SCD5: variants seen among roughly 807,000 people sequenced by gnomAD.
SCD5 encodes the protein stearoyl-CoA desaturase 5, also known as acyl-CoA-desaturase 4.
In SCD5, 20 loss-of-function variants were observed where a neutral mutation model predicts 30.4. The ratio of observed to expected loss-of-function variants is 0.66; its 90% CI spans 0.46 to 0.96. SCD5 has a LOEUF of 0.96. Ranked by LOEUF, SCD5 falls within the 40% of genes least tolerant of loss-of-function variation. The pLI is 0.00. For synonymous variants in SCD5, 173 were observed against 176.4 expected (o/e 0.98, Z 0.16); for missense variants, 381 against 443.3 (o/e 0.86, Z 1.26).
rs1560540804 is a variant in SCD5 at position 82,712,279 on chromosome 4, TATATATATATATATATA to T, written c.233-6883_233-6867del. Among the ~76,000 whole-genome samples the T allele has an allele frequency of 1.1e-3, 58 of 50,524 alleles. 5 individuals are homozygous for T. The highest frequency in any genetic ancestry group is 5.7e-3 in the African/African-American group (51 of 9,020). 33.1% of individuals were successfully genotyped at this position (50,524 alleles called of 152,430 possible). ...ATATATATATATATATATATATATATATATATATATATATATATTTTATTTTTATTTTATTTTTTTTT... is the reference window on the plus strand; with the variant it reads ...ATATATATATATATATATATATATATTTTTATTTTTATTTTATTTTTTTTT... On this transcript the variant is annotated intron_variant, in intron 1 of 4. Transcript: ENST00000319540.
chr4:82,642,685 T>C (rs1727569240), intron 3 of SCD5, among the ~76,000 whole-genome samples: 1 of 152,232 alleles, frequency 6.6e-6, no homozygotes, highest in South Asian at 2.1e-4. Context: ...ACGGGCAGCC[T>C]AACCTGCTAG....
intron 1 of SCD5, among the ~76,000 whole-genome samples, chr4:82,759,483 TCACTTA>T (rs1721308143): frequency 1.3e-5 from 2 of 152,024 alleles, no homozygotes; most frequent in Non-Finnish European, 2.9e-5. Context: ...GCATGACCCT[TCACTTA>T]CACTTCCCCC....
chr4:82,789,372 C>T (rs1435266108), intron 1 of SCD5, among the ~76,000 whole-genome samples: 1 of 152,040 alleles, frequency 6.6e-6, no homozygotes, highest in African/African-American at 2.4e-5. Flanking sequence ...CTGCAAAATC[C>T]CACTCAAGTC....
chr4:82,719,565 G>A (rs1278665006), intron 1 of SCD5, among the ~76,000 whole-genome samples: 14 of 150,168 alleles, frequency 9.3e-5, no homozygotes, highest in Non-Finnish European at 1.6e-4. Flanking sequence ...GTGCAGTGGC[G>A]CAATCTCGGC....
intron 3 of SCD5, chr4:82,660,466 A>C: frequency 1.1e-6 from 1 of 947,858 alleles, no homozygotes; most frequent in Non-Finnish European, 1.3e-6. Context: ...ACAGGTTTTT[A>C]GAACCTAAAG....
chr4:82,772,575 C>T (rs1721650776), intron 1 of SCD5, among the ~76,000 whole-genome samples: 2 of 152,196 alleles, frequency 1.3e-5, no homozygotes, highest in Admixed American at 1.3e-4. Context: ...CTCGCTATGG[C>T]TGGATGGTCT....
chr4:82,647,242 CCT>C (rs1385174423), intron 3 of SCD5, among the ~76,000 whole-genome samples: 1 of 152,120 alleles, frequency 6.6e-6, no homozygotes, highest in East Asian at 1.9e-4. Context: ...AGTGTGTTCC[CCT>C]GATTGTTTTA....
rs1364667272 is a variant in SCD5 at position 82,798,171 on chromosome 4, G to C, written c.232+135C>G. The C allele has an allele frequency of 9.0e-6, 9 of 996,076 alleles. No individual in the cohort carries two copies. In the African/African-American group the frequency reaches 1.6e-4, roughly 17 times the overall value. 61.7% of individuals were successfully genotyped at this position (996,076 alleles called of 1,614,324 possible). A position where few individuals can be genotyped will look rare whatever the true frequency, so the allele number is the denominator to read the frequency against. On this transcript the variant is annotated intron_variant, in intron 1 of 4. Transcript: ENST00000319540. ...AAAACTGGATGCCAAGGGGGCCGCGGCGCGCAGCGGGAGGCGAGGGGAGAC... is the reference window on the plus strand; with the variant it reads ...AAAACTGGATGCCAAGGGGGCCGCGCCGCGCAGCGGGAGGCGAGGGGAGAC...
intron 1 of SCD5, among the ~76,000 whole-genome samples, chr4:82,724,454 G>A (rs957565507): frequency 7.2e-5 from 11 of 152,090 alleles, no homozygotes; most frequent in African/African-American, 2.7e-4. Context: ...CCCATCTTTA[G>A]AAAAAATAAA....
chr4:82,641,015 C>T (rs533536070), intron 3 of SCD5, among the ~76,000 whole-genome samples: 10 of 152,274 alleles, frequency 6.6e-5, no homozygotes, highest in Admixed American at 6.5e-4. Context: ...TTTAATCACA[C>T]TGAGCCTCAG....
intron 2 of SCD5, among the ~76,000 whole-genome samples, chr4:82,695,162 G>A (rs28488833): frequency 0.6 from 91,173 of 151,806 alleles, 29,478 homozygotes; most frequent in African/African-American, 0.86. Flanking sequence ...GGACACAGAG[G>A]ACTGGTGTGC....
intron 1 of SCD5, among the ~76,000 whole-genome samples, chr4:82,715,056 A>G (rs920180362): frequency 6.6e-6 from 1 of 151,208 alleles, no homozygotes; most frequent in East Asian, 1.9e-4. Context: ...GGCCAACATG[A>G]TGAAACCCCG....
chr4:82,751,696 C>T (rs754820069), intron 1 of SCD5, among the ~76,000 whole-genome samples: 2 of 152,256 alleles, frequency 1.3e-5, no homozygotes, highest in Admixed American at 6.5e-5. Flanking sequence ...GTGCAATCTC[C>T]GCGCACTGCA....
At chr4:82,741,141 G>T (rs1348905228) in intron 1 of SCD5, among the ~76,000 whole-genome samples, 1 of 145,400 alleles carries the variant, frequency 6.9e-6, no homozygotes, top group East Asian at 2.0e-4. Context: ...GTTTTGCCAT[G>T]TTGCCTAGGC....
At chr4:82,681,200 G>C (rs1380158957) in intron 2 of SCD5, among the ~76,000 whole-genome samples, 9 of 152,140 alleles carry the variant, frequency 5.9e-5, no homozygotes, top group African/African-American at 2.2e-4. Context: ...AGACCTGAAG[G>C]AAAGCTCTGG....
At chr4:82,647,465 A>C (rs566933716) in intron 3 of SCD5, among the ~76,000 whole-genome samples, 3 of 152,354 alleles carry the variant, frequency 2.0e-5, no homozygotes, top group Non-Finnish European at 4.4e-5. Context: ...AGCTGAATGG[A>C]TTAGATGGGC....
chr4:82,738,357 C>T (rs111738580), intron 1 of SCD5, among the ~76,000 whole-genome samples: 22,072 of 152,036 alleles, frequency 0.15, 2,845 homozygotes, highest in African/African-American at 0.35. Flanking sequence ...AGGAGGCAGA[C>T]GTTGCAGTGA....
chr4:82,688,344 T>C (rs1728756860), intron 2 of SCD5, among the ~76,000 whole-genome samples: 1 of 152,098 alleles, frequency 6.6e-6, no homozygotes, highest in Non-Finnish European at 1.5e-5. Context: ...AATGGCATCC[T>C]TTCTGGGAAA....
chr4:82,700,616 G>C (rs1719808071), intron 2 of SCD5, among the ~76,000 whole-genome samples: 1 of 151,820 alleles, frequency 6.6e-6, no homozygotes, highest in African/African-American at 2.4e-5. Context: ...CTTCGAAAAT[G>C]AAGTAGAAAT....
Sources: allele counts gnomAD v4.1 joint callset (sites outside exome capture counted in the v4.1 genomes callset), GRCh38; gene constraint gnomAD v4.1.1; transcripts MANE v1.5; gene names NCBI Gene and HGNC (gene_info 2026-07-23, HGNC 2026-07-21).